The following COL4A3 variants were observed in gnomAD, a reference collection of about 807,000 sequenced individuals.
COL4A3 encodes the protein collagen alpha-3(IV) chain.
A neutral mutation model predicts 217.4 loss-of-function variants in COL4A3; 135 were observed. That is an observed-to-expected ratio of 0.62 (90% CI 0.54 to 0.72). COL4A3 has a LOEUF of 0.72. COL4A3 is among the 30% of genes least tolerant of loss of function. The pLI is 0.00. For missense variants in COL4A3, 1,868 were observed against 2,119.9 expected (o/e 0.88, Z 2.33); for synonymous variants, 690 against 736.3 (o/e 0.94, Z 1.02).
intron 1 of COL4A3, among the ~76,000 whole-genome samples, chr2:227,182,296 G>A (rs952540979): frequency 6.6e-6 from 1 of 152,158 alleles, no homozygotes; most frequent in African/African-American, 2.4e-5. Context: ...ACCCACTCAC[G>A]ACAGCTATGA....
At position 227,289,097 on chromosome 2, in the gene COL4A3, C is replaced by A; in HGVS notation, c.2882-53C>A. 13 of 1,417,764 alleles carry A rather than the reference C, an allele frequency of 9.2e-6. No homozygotes were observed. In the South Asian group the frequency reaches 1.4e-4, roughly 16 times the overall value. 87.8% of individuals were successfully genotyped at this position (1,417,764 alleles called of 1,614,324 possible). ...TCCCACGTAGCTGGGATTACAGGCA[C>A]CTGCCACCACACCTGGCTAATTTTC... On this transcript the variant is annotated intron_variant, in intron 34 of 51. Transcript: ENST00000396578.
chr2:227,242,076 G>A (rs1416488539), intron 3 of COL4A3, among the ~76,000 whole-genome samples: 1 of 152,144 alleles, frequency 6.6e-6, no homozygotes, highest in East Asian at 1.9e-4. Flanking sequence ...TTAAATACCT[G>A]GGGTTAGTGC....
chr2:227,260,208 C>T, intron 19 of COL4A3: 1 of 452,684 alleles, frequency 2.2e-6, no homozygotes, highest in Admixed American at 3.0e-5. Flanking sequence ...AGACCGCGAA[C>T]AAACTCACAC....
chr2:227,245,704 T>C (rs2069294025), intron 5 of COL4A3: 5 of 552,852 alleles, frequency 9.0e-6, no homozygotes, highest in East Asian at 3.1e-5. Flanking sequence ...AGGACTCTTT[T>C]ATTTTATGGA....
chr2:227,285,724 C>A (rs1433527522), intron 34 of COL4A3, among the ~76,000 whole-genome samples: 1 of 152,196 alleles, frequency 6.6e-6, no homozygotes, highest in African/African-American at 2.4e-5. Context: ...TGAAGAATTC[C>A]TTTTGTAAAG....
chr2:227,262,125 T>G (rs2070616400), intron 20 of COL4A3, among the ~76,000 whole-genome samples: 1 of 152,148 alleles, frequency 6.6e-6, no homozygotes, highest in Admixed American at 6.5e-5. Flanking sequence ...ATAATTTCAC[T>G]ATTAAAAAAA....
In COL4A3 at chr2:227,169,914, T is replaced by C. The variant is rs111658252; in HGVS notation, c.87+5101T>C. Among the ~76,000 whole-genome samples, 962 of 152,310 alleles carry C rather than the reference T, an allele frequency of 6.3e-3. 14 individuals carry two copies. The highest frequency in any genetic ancestry group is 0.021 in the African/African-American group (865 of 41,570). On this transcript the variant is annotated intron_variant, in intron 1 of 51. Coordinates refer to ENST00000396578, the MANE Select transcript of COL4A3 (RefSeq NM_000091.5). ...ACCACACTGTTTTGATCACTATGTTTATATTAAATCTATGTCTGGTAGGAC... is the reference window on the plus strand; with the variant it reads ...ACCACACTGTTTTGATCACTATGTTCATATTAAATCTATGTCTGGTAGGAC...
intron 1 of COL4A3, among the ~76,000 whole-genome samples, chr2:227,172,476 A>G (rs1268065308): frequency 2.0e-5 from 3 of 151,144 alleles, no homozygotes; most frequent in Non-Finnish European, 4.4e-5. Context: ...ACAGAGAGAG[A>G]GCTACTGCTC....
intron 1 of COL4A3, among the ~76,000 whole-genome samples, chr2:227,188,978 C>T (rs56148293): frequency 6.6e-6 from 1 of 151,978 alleles, no homozygotes. Flanking sequence ...TGTCAGAAAA[C>T]CCTTCCCAGA....
chr2:227,218,157 G>A (rs1340717084), intron 1 of COL4A3, among the ~76,000 whole-genome samples: 4 of 149,456 alleles, frequency 2.7e-5, no homozygotes, highest in South Asian at 2.1e-4. Context: ...TTCCAAATGC[G>A]ACTGCTCATT....
chr2:227,237,774 T>C (rs1016018394), intron 1 of COL4A3, 194 bp from the exon 2 acceptor site: 2 of 529,256 alleles, frequency 3.8e-6, no homozygotes, highest in South Asian at 1.8e-5. Context: ...TTATGCAACA[T>C]GTTCTCAGTT....
chr2:227,193,820 AAAGG>A (rs202001248), intron 1 of COL4A3, among the ~76,000 whole-genome samples: 1 of 19,864 alleles, frequency 5.0e-5, no homozygotes, highest in Admixed American at 5.2e-4. Context: ...GGAGGGAAGG[AAAGG>A]AAGGAAGGAA....
Position 227,280,495 on chromosome 2 carries a change from A to T in COL4A3, c.2279A>T (p.Glu760Val), listed in dbSNP as rs368940964. 7 of 1,614,030 alleles carry T rather than the reference A, an allele frequency of 4.3e-6. No individual in the cohort carries two copies. The highest frequency in any genetic ancestry group is 5.1e-6 in the Non-Finnish European group (6 of 1,180,028). ...GGPGTPGFPGERGNSGEHGEI... is the reference protein window; with the variant it reads ...GGPGTPGFPGVRGNSGEHGEI... Reference sequence around the variant, plus strand: ...CCAGGAACACCAGGTTTTCCAGGAGAAAGAGGCAATTCTGGGGAACATGGA... The same window carrying T: ...CCAGGAACACCAGGTTTTCCAGGAGTAAGAGGCAATTCTGGGGAACATGGA... Residue 760 changes from glutamate (E) to valine (V), a missense_variant, in exon 30 of 52, where the codon GAA becomes GTA. Physicochemically the swap from Glu to Val is moderately radical, Grantham distance 121. Coordinates refer to ENST00000396578, the MANE Select transcript of COL4A3 (RefSeq NM_000091.5).
At chr2:227,190,925 C>G (rs888583262) in intron 1 of COL4A3, among the ~76,000 whole-genome samples, 4 of 152,058 alleles carry the variant, frequency 2.6e-5, no homozygotes, top group African/African-American at 9.7e-5. Context: ...GTGCAAAATT[C>G]TGAAAAGTTA....
At chr2:227,294,669 C>G (rs1409835537) in intron 39 of COL4A3, 99 bp downstream of exon 39, 1 of 891,978 alleles carries the variant, frequency 1.1e-6, no homozygotes, top group African/African-American at 1.7e-5. Flanking sequence ...TAGAAGGTAG[C>G]TCCTAGTTAC....
chr2:227,281,299 T>G (rs1384111152), intron 31 of COL4A3, among the ~76,000 whole-genome samples: 1 of 152,226 alleles, frequency 6.6e-6, no homozygotes, highest in Non-Finnish European at 1.5e-5. Flanking sequence ...TATATTTATA[T>G]ACATATTAAA....
chr2:227,239,852 C>T (rs750057606), intron 2 of COL4A3, among the ~76,000 whole-genome samples: 4 of 152,210 alleles, frequency 2.6e-5, no homozygotes, highest in Admixed American at 6.5e-5. Context: ...TTTTTTATTC[C>T]GTCTCCCTTA....
chr2:227,220,600 C>T (rs773187411), intron 1 of COL4A3, among the ~76,000 whole-genome samples: 22 of 152,266 alleles, frequency 1.4e-4, no homozygotes, highest in African/African-American at 4.6e-4. Flanking sequence ...GCTGGAACTA[C>T]AGGCACTCAC....
At chr2:227,293,416 T>A (rs1263257507) in intron 38 of COL4A3, 99 bp downstream of exon 38, 36 of 1,344,348 alleles carry the variant, frequency 2.7e-5, no homozygotes, top group Non-Finnish European at 3.7e-5. Flanking sequence ...TATACTTTTA[T>A]GCTGCAGTTG....
Sources: allele counts gnomAD v4.1 joint callset (sites outside exome capture counted in the v4.1 genomes callset), GRCh38; gene constraint gnomAD v4.1.1; transcripts MANE v1.5; gene names NCBI Gene and HGNC (gene_info 2026-07-23, HGNC 2026-07-21).